MCTP1: variants seen among roughly 807,000 people sequenced by gnomAD.
The protein encoded by MCTP1 is multiple C2 and transmembrane domain containing 1, also known as multiple C2 and transmembrane domain-containing protein 1.
MCTP1 carries 69 observed loss-of-function variants against 120.6 expected under a neutral mutation model. The ratio of observed to expected loss-of-function variants is 0.57; its 90% CI spans 0.47 to 0.70. The LOEUF (loss-of-function observed/expected upper bound fraction) is 0.70, where lower values mean the gene tolerates loss of function less well. Ranked by LOEUF, MCTP1 falls within the 30% of genes least tolerant of loss-of-function variation. MCTP1 has a pLI of 0.00. For missense variants in MCTP1, 1,203 were observed against 1,248.8 expected (o/e 0.96, Z 0.55); for synonymous variants, 529 against 493.1 (o/e 1.07, Z -0.96).
intron 2 of MCTP1, among the ~76,000 whole-genome samples, chr5:94,997,447 G>A (rs547281187): frequency 6.6e-6 from 1 of 152,306 alleles, no homozygotes; most frequent in Non-Finnish European, 1.5e-5. Context: ...ATTCTTCTGA[G>A]AACAGCTCAG....
At chr5:94,779,185 G>A (rs778508513) in intron 18 of MCTP1, 22 bp from the exon 19 acceptor site, 11 of 1,608,932 alleles carry the variant, frequency 6.8e-6, no homozygotes, top group East Asian at 2.2e-5. Context: ...AACAGAAGTC[G>A]TTTTTTGTGC....
chr5:94,923,179 G>A (rs149326773), intron 7 of MCTP1, among the ~76,000 whole-genome samples: 19 of 152,224 alleles, frequency 1.2e-4, no homozygotes, highest in African/African-American at 3.8e-4. Context: ...ATAATGAAAA[G>A]TTTGCGAGTT....
At chr5:94,880,633 T>C (rs1300130090) in intron 12 of MCTP1, among the ~76,000 whole-genome samples, 1 of 152,222 alleles carries the variant, frequency 6.6e-6, no homozygotes, top group South Asian at 2.1e-4. Flanking sequence ...ATCTGAAGGC[T>C]TGGAAATAAA....
Position 94,752,176 on chromosome 5 carries a change from A to G in MCTP1, c.2610+26934T>C, listed in dbSNP as rs1316006748. ...AATAGCTTCCTCAGGTAGGTGAATTATCTCACCCGGCTGAAACAGTGTCTG... is the reference window on the plus strand; with the variant it reads ...AATAGCTTCCTCAGGTAGGTGAATTGTCTCACCCGGCTGAAACAGTGTCTG... On this transcript the variant is annotated intron_variant, in intron 19 of 22. Transcript: ENST00000515393. Among the ~76,000 whole-genome samples the G allele has an allele frequency of 2.2e-5, 3 of 137,896 alleles. No homozygotes were observed. The East Asian group carries it at 6.4e-4, about 30-fold the overall frequency. The allele number at this position is 137,896 out of a possible 152,430, so 90.5% of individuals were successfully genotyped here.
intron 18 of MCTP1, among the ~76,000 whole-genome samples, chr5:94,790,425 G>A (rs1460972067): frequency 6.6e-6 from 1 of 152,218 alleles, no homozygotes; most frequent in African/African-American, 2.4e-5. Flanking sequence ...GGTTTAAAGA[G>A]AGCACGAGGG....
intron 1 of MCTP1, among the ~76,000 whole-genome samples, chr5:95,209,948 T>C (rs980212005): frequency 5.3e-5 from 8 of 152,194 alleles, no homozygotes; most frequent in Non-Finnish European, 1.0e-4. Context: ...TCATTGAGGA[T>C]CAGGTTGTTC....
intron 3 of MCTP1, among the ~76,000 whole-genome samples, chr5:94,950,471 C>T (rs1226554426): frequency 1.3e-5 from 2 of 152,024 alleles, no homozygotes; most frequent in African/African-American, 4.8e-5. Context: ...GGCCTGCATA[C>T]AGTGTTGCTG....
chr5:95,132,096 T>G (rs1233257470), intron 1 of MCTP1, among the ~76,000 whole-genome samples: 1 of 152,230 alleles, frequency 6.6e-6, no homozygotes, highest in Non-Finnish European at 1.5e-5. Context: ...TTTAGCTCTT[T>G]TCTCAAGTCA....
At chr5:94,964,737 G>A (rs2153564045) in intron 2 of MCTP1, among the ~76,000 whole-genome samples, 1 of 152,162 alleles carries the variant, frequency 6.6e-6, no homozygotes, top group Non-Finnish European at 1.5e-5. Flanking sequence ...TGTCCTTAAA[G>A]GTGAAGTAAG....
intron 1 of MCTP1, among the ~76,000 whole-genome samples, chr5:95,080,437 G>A (rs1293099879): frequency 6.6e-6 from 1 of 152,192 alleles, no homozygotes. Flanking sequence ...CTCCAAGCAT[G>A]ATAGTAAGTC....
chr5:94,935,063 C>T (rs1327988092), intron 5 of MCTP1, among the ~76,000 whole-genome samples: 1 of 151,864 alleles, frequency 6.6e-6, no homozygotes, highest in Non-Finnish European at 1.5e-5. Flanking sequence ...TTGTGCCATG[C>T]AACTCATCAG....
intron 1 of MCTP1, among the ~76,000 whole-genome samples, chr5:95,121,588 CAT>C (rs1562160283): frequency 6.6e-6 from 1 of 151,508 alleles, no homozygotes; most frequent in African/African-American, 2.4e-5. Context: ...GCAATCTATA[CAT>C]TTAATGTAAT....
intron 2 of MCTP1, 83 bp downstream of exon 2, chr5:95,017,284 T>C (rs1377808556): frequency 2.8e-6 from 2 of 703,002 alleles, no homozygotes; most frequent in Non-Finnish European, 4.6e-6. Flanking sequence ...TAATTTTTTA[T>C]AACTCAGGCA....
intron 1 of MCTP1, among the ~76,000 whole-genome samples, chr5:95,145,623 G>A (rs1421030311): frequency 4.0e-5 from 6 of 151,498 alleles, no homozygotes; most frequent in Non-Finnish European, 8.9e-5. Context: ...GATTTCATCA[G>A]TTTTTCCACA....
chr5:94,751,550 C>T (rs934585868), intron 19 of MCTP1, among the ~76,000 whole-genome samples: 5 of 152,048 alleles, frequency 3.3e-5, no homozygotes, highest in Admixed American at 6.6e-5. Context: ...CCCTGACCTC[C>T]GGGAAGCTGA....
At chr5:95,161,808 G>A (rs1472406023) in intron 1 of MCTP1, among the ~76,000 whole-genome samples, 3 of 152,146 alleles carry the variant, frequency 2.0e-5, no homozygotes, top group East Asian at 1.9e-4. Flanking sequence ...GACAAAAGAA[G>A]TCGGGATTTG....
chr5:95,076,809 C>T (rs1349984641), intron 1 of MCTP1, among the ~76,000 whole-genome samples: 2 of 151,868 alleles, frequency 1.3e-5, no homozygotes, highest in African/African-American at 4.8e-5. Context: ...TTTCTTTTTT[C>T]TTTTTGTTTT....
rs752184246 is a variant in MCTP1 at position 95,284,392 on chromosome 5, C to G, written c.184G>C (p.Val62Leu). ...DTPSPSPPPP[V>L]GTGNAPARGS... ...CTGGCCGGTGCATTCCCTGTGCCCA[C>G]CGGGGGTGGCGGGGAGGGCGACGGG... is the stretch of plus-strand genomic sequence containing the variant. Residue 62 changes from valine to leucine, a missense_variant, in exon 1 of 23, where the codon GTG becomes CTG. Transcript: ENST00000515393. This position sits in a 1 kb window ranked among gnomAD's most constrained non-coding sequence, Gnocchi z 5.2. The G allele has an allele frequency of 6.3e-7, 1 of 1,592,586 alleles. No homozygotes were observed. The highest frequency in any genetic ancestry group is 2.2e-5 in the East Asian group (1 of 44,512).
chr5:94,944,896 C>T (rs936769285), intron 3 of MCTP1, among the ~76,000 whole-genome samples: 1 of 152,086 alleles, frequency 6.6e-6, no homozygotes, highest in Admixed American at 6.6e-5. Flanking sequence ...AAAGGTACTC[C>T]CACTGCACTA....
Sources: gnomAD v4.1 joint callset for allele counts (sites outside exome capture counted in the v4.1 genomes callset) on GRCh38, gnomAD v4.1.1 for gene constraint, Gnocchi (gnomAD v3.1) non-coding constraint, MANE v1.5 for transcripts, NCBI Gene and HGNC (gene_info 2026-07-23, HGNC 2026-07-21) for gene names.